Variants in SCLT1 observed in about 807,000 individuals in gnomAD.
SCLT1 encodes the protein sodium channel-associated protein 1.
In SCLT1, 78 loss-of-function variants were observed where a neutral mutation model predicts 112.8. The observed-to-expected ratio is 0.69, with a 90% CI of 0.58 to 0.83. The LOEUF (loss-of-function observed/expected upper bound fraction) is 0.83, where lower values mean the gene tolerates loss of function less well. SCLT1 is among the 40% of genes least tolerant of loss of function. The pLI is 0.00. For synonymous variants in SCLT1, 257 were observed against 254.7 expected (o/e 1.01, Z -0.09); for missense variants, 747 against 770.4 (o/e 0.97, Z 0.36).
chr4:128,920,883 T>C (rs540576657), intron 18 of SCLT1, among the ~76,000 whole-genome samples: 2 of 152,314 alleles, frequency 1.3e-5, no homozygotes, highest in East Asian at 3.9e-4. Flanking sequence ...TCTCTGTTTA[T>C]GGATGATATA....
intron 3 of SCLT1, 70 bp from the exon 4 acceptor site, chr4:129,043,537 T>C (rs1747898863): frequency 2.9e-6 from 2 of 678,624 alleles, no homozygotes; most frequent in Admixed American, 3.2e-5. Flanking sequence ...ACAAGTGAAA[T>C]AAATTACACA....
At chr4:129,001,089 A>G (rs947311607) in intron 6 of SCLT1, among the ~76,000 whole-genome samples, 3 of 152,008 alleles carry the variant, frequency 2.0e-5, no homozygotes, top group Admixed American at 6.6e-5. Context: ...AATTCACTTC[A>G]TTTCCTTAAG....
At chr4:128,898,733 G>A (rs1441033557) in intron 18 of SCLT1, among the ~76,000 whole-genome samples, 1 of 152,118 alleles carries the variant, frequency 6.6e-6, no homozygotes, top group African/African-American at 2.4e-5. Flanking sequence ...ATGAATCCGG[G>A]AGCTGGTTTT....
intron 2 of SCLT1, among the ~76,000 whole-genome samples, chr4:129,048,500 ATGTT>A (rs1276620773): frequency 4.0e-5 from 6 of 149,224 alleles, no homozygotes; most frequent in Non-Finnish European, 7.5e-5. Flanking sequence ...AAAGACTTAA[ATGTT>A]AGACCTAAAA....
intron 5 of SCLT1, among the ~76,000 whole-genome samples, chr4:129,007,868 A>G (rs1744169764): frequency 1.3e-5 from 2 of 152,264 alleles, no homozygotes; most frequent in South Asian, 4.1e-4. Flanking sequence ...TTATTATTCC[A>G]CTTTCCTGCT....
chr4:128,881,261 A>C (rs1732634354), downstream of SCLT1, among the ~76,000 whole-genome samples: 1 of 152,118 alleles, frequency 6.6e-6, no homozygotes, highest in Non-Finnish European at 1.5e-5. Context: ...TTTGATAAAA[A>C]TTTTTGCAAA....
downstream of SCLT1, among the ~76,000 whole-genome samples, chr4:128,882,052 A>T (rs17013895): frequency 0.022 from 3,412 of 152,280 alleles, 110 homozygotes; most frequent in African/African-American, 0.074. Flanking sequence ...ACCTTGAAAA[A>T]ATGTGTCTGG....
chr4:129,041,868 T>A (rs768485189), intron 4 of SCLT1: 1 of 152,346 alleles, frequency 6.6e-6, no homozygotes, highest in Non-Finnish European at 1.5e-5. Flanking sequence ...TGCCTCAGCC[T>A]CCCAAGTAGC....
chr4:128,938,541 T>C (rs929416556), intron 17 of SCLT1, among the ~76,000 whole-genome samples: 2 of 152,200 alleles, frequency 1.3e-5, no homozygotes, highest in African/African-American at 4.8e-5. Context: ...TTTGAATTAT[T>C]AGATTCTGCA....
chr4:129,060,032 T>C (rs1424230743), intron 2 of SCLT1, among the ~76,000 whole-genome samples: 1 of 152,174 alleles, frequency 6.6e-6, no homozygotes, highest in African/African-American at 2.4e-5. Context: ...GCCTTTGTTA[T>C]ATTTATTTTT....
chr4:129,023,569 G>C (rs535840345), intron 5 of SCLT1, among the ~76,000 whole-genome samples: 1 of 152,180 alleles, frequency 6.6e-6, no homozygotes, highest in African/African-American at 2.4e-5. Context: ...CAAGATGGCC[G>C]AATAGGAACA....
chr4:129,083,559 A>G (rs1016328200), intron 1 of SCLT1, among the ~76,000 whole-genome samples: 1 of 152,260 alleles, frequency 6.6e-6, no homozygotes. Context: ...TGGGAGGCCA[A>G]AGTAGGAGAA....
intron 6 of SCLT1, among the ~76,000 whole-genome samples, chr4:129,003,129 T>C (rs559131091): frequency 5.3e-5 from 8 of 152,208 alleles, no homozygotes; most frequent in Admixed American, 3.3e-4. Context: ...ATCATGTCCT[T>C]TTCAGGGACA....
chr4:128,921,140 A>G (rs1385153240), intron 18 of SCLT1, among the ~76,000 whole-genome samples: 1 of 152,224 alleles, frequency 6.6e-6, no homozygotes. Context: ...ACACTGCTCA[A>G]AGAAATTGGG....
chr4:128,898,006 C>T (rs1243909050), intron 18 of SCLT1, among the ~76,000 whole-genome samples: 4 of 152,136 alleles, frequency 2.6e-5, no homozygotes, highest in Non-Finnish European at 5.9e-5. Flanking sequence ...AATACAGGAG[C>T]ACCCAGATTC....
chr4:128,941,576 T>C (rs867893907), intron 17 of SCLT1, among the ~76,000 whole-genome samples: 4 of 151,970 alleles, frequency 2.6e-5, no homozygotes, highest in African/African-American at 7.2e-5. Context: ...TGGATATGAG[T>C]TCTCTTTTTG....
At chr4:128,970,300 A>G (rs995384971) in intron 10 of SCLT1, 78 bp downstream of exon 10, 31 of 798,174 alleles carry the variant, frequency 3.9e-5, no homozygotes, top group Non-Finnish European at 6.3e-5. Context: ...CCTCTTTAAC[A>G]CCTAATCCAA....
At chr4:129,030,700 T>C (rs1004576318) in intron 5 of SCLT1, among the ~76,000 whole-genome samples, 3 of 152,060 alleles carry the variant, frequency 2.0e-5, no homozygotes, top group Admixed American at 1.3e-4. Flanking sequence ...GCAAATAAAA[T>C]AGAAAATCTA....
intron 2 of SCLT1, among the ~76,000 whole-genome samples, chr4:129,055,525 A>AT (rs1749280065): frequency 6.6e-6 from 1 of 152,088 alleles, no homozygotes; most frequent in Non-Finnish European, 1.5e-5. Context: ...TCTTTGCTGC[A>AT]TTGTGTTGAG....
Sources: allele counts gnomAD v4.1 joint callset (sites outside exome capture counted in the v4.1 genomes callset), GRCh38; gene constraint gnomAD v4.1.1; transcripts MANE v1.5; gene names NCBI Gene and HGNC (gene_info 2026-07-23, HGNC 2026-07-21).